The following INPP5A variants were observed in gnomAD, a reference collection of about 807,000 sequenced individuals.
INPP5A encodes 43 kDa inositol polyphosphate 5-phophatase.
In INPP5A, 14 loss-of-function variants were observed where a neutral mutation model predicts 65.2. That is an observed-to-expected ratio of 0.21 (90% CI 0.14 to 0.34). The LOEUF (loss-of-function observed/expected upper bound fraction) is 0.34. INPP5A is among the 10% of genes least tolerant of loss of function. The probability of loss-of-function intolerance (pLI) is 1.00; values close to 1 mark genes in which losing one functional copy is unlikely to be tolerated. For synonymous variants in INPP5A, 207 were observed against 208.3 expected, an observed-to-expected ratio of 0.99 and a Z score of 0.05; for missense variants, 431 against 545.6, an observed-to-expected ratio of 0.79 and a Z score of 2.09.
chr10:132,696,645 G>A (rs892210988), intron 5 of INPP5A, among the ~76,000 whole-genome samples: 4 of 152,210 alleles, frequency 2.6e-5, no homozygotes, highest in South Asian at 4.1e-4. Context: ...GAAAGGATCC[G>A]TGGTGTCTAA....
At chr10:132,725,313 C>T (rs1393804136) in intron 8 of INPP5A, among the ~76,000 whole-genome samples, 3 of 152,216 alleles carry the variant, frequency 2.0e-5, no homozygotes, top group Non-Finnish European at 2.9e-5. Flanking sequence ...ACGGATGCTC[C>T]GTCCTCCCTC....
At chr10:132,719,805 T>C (rs1845829170) in intron 8 of INPP5A, among the ~76,000 whole-genome samples, 1 of 151,022 alleles carries the variant, frequency 6.6e-6, no homozygotes, top group African/African-American at 2.4e-5. Context: ...CTGTGGTGCC[T>C]GGGTTCTGTC....
intron 2 of INPP5A, among the ~76,000 whole-genome samples, chr10:132,645,217 C>T (rs904179100): frequency 2.2e-5 from 3 of 138,066 alleles, no homozygotes; most frequent in South Asian, 2.7e-4. Context: ...CTTGATGGGG[C>T]GGGCGGGGCA....
intron 7 of INPP5A, 85 bp from the exon 8 acceptor site, chr10:132,710,252 T>A (rs1028847229): frequency 6.6e-7 from 1 of 1,516,996 alleles, no homozygotes; most frequent in Non-Finnish European, 8.9e-7. Context: ...GCAGGTCTTA[T>A]CTTCCCGGGG....
In INPP5A at chr10:132,606,401, C is replaced by T. The variant is rs772729506; in HGVS notation, c.76-1514C>T. Among the ~76,000 whole-genome samples the T allele has an allele frequency of 3.5e-4, 54 of 152,272 alleles. No homozygotes were observed. The Middle Eastern group carries it at 0.01, about 29-fold the overall frequency. On this transcript the variant is annotated intron_variant, in intron 1 of 15. Coordinates refer to ENST00000368594, the MANE Select transcript of INPP5A (RefSeq NM_005539.5). The stretch of plus-strand genomic sequence containing the variant: ...TGCTGGGGCGGTTGCGTGCGTCCCA[C>T]GAGGAGGTCCCTGGACCCAGAGGGC...
chr10:132,662,451 G>T (rs956532300), intron 4 of INPP5A, among the ~76,000 whole-genome samples: 3 of 152,200 alleles, frequency 2.0e-5, no homozygotes, highest in Non-Finnish European at 2.9e-5. Context: ...TGGTGTGTCA[G>T]CTGTCGCAGT....
rs2071038890 is a variant in INPP5A, at chr10:132,550,742, G to T, written c.75+12571G>T. Among the ~76,000 whole-genome samples, 1 of 152,250 alleles carries T rather than the reference G, an allele frequency of 6.6e-6. No homozygotes were observed. Among genetic ancestry groups the T allele is most frequent in the Non-Finnish European group, 1.5e-5 (1 of 68,044 alleles). On this transcript the variant is annotated intron_variant, in intron 1 of 15. Transcript: ENST00000368594. The surrounding 1 kb of genome is among the most constrained non-coding windows in gnomAD (Gnocchi z 4.2). ...TTTGGTCCCGCCTGACCTCATGGAA[G>T]ACGGTGGAGGTGGCAGCCGCCAGAG... is the stretch of plus-strand genomic sequence containing the variant.
At chr10:132,671,376 CGGACTCCGCCCTCCCTGCTCT>C (rs1422249485) in intron 4 of INPP5A, among the ~76,000 whole-genome samples, 133 of 141,760 alleles carry the variant, frequency 9.4e-4, no homozygotes, top group Non-Finnish European at 1.2e-3. Context: ...CTCCCTGCTT[CGGACTCCGCCCTCCCTGCTCT>C]GGACTCCGCC....
intron 1 of INPP5A, among the ~76,000 whole-genome samples, chr10:132,565,996 G>T (rs1321256096): frequency 6.6e-6 from 1 of 152,048 alleles, no homozygotes; most frequent in Non-Finnish European, 1.5e-5. Flanking sequence ...AGACAAGAGA[G>T]CCCTGTGGTC....
At chr10:132,749,708 G>T in intron 10 of INPP5A, 63 bp from the exon 11 acceptor site, 1 of 1,598,612 alleles carries the variant, frequency 6.3e-7, no homozygotes, top group Non-Finnish European at 8.6e-7. Flanking sequence ...GTTCGGTGGG[G>T]GCTAGGGGAC....
At chr10:132,666,622 T>G (rs1052857278) in intron 4 of INPP5A, among the ~76,000 whole-genome samples, 1 of 152,240 alleles carries the variant, frequency 6.6e-6, no homozygotes, top group Admixed American at 6.5e-5. Context: ...TCTGGAATTG[T>G]CTGGGAAAAC....
At chr10:132,742,788 C>A (rs117655563) in intron 9 of INPP5A, among the ~76,000 whole-genome samples, 1 of 152,232 alleles carries the variant, frequency 6.6e-6, no homozygotes, top group Non-Finnish European at 1.5e-5. Context: ...CATTGAAATT[C>A]ATGATGCCGG....
intron 11 of INPP5A, among the ~76,000 whole-genome samples, chr10:132,751,728 A>C (rs1432905337): frequency 6.8e-6 from 1 of 146,308 alleles, no homozygotes; most frequent in African/African-American, 2.7e-5. Context: ...GTCTGGGTGC[A>C]GGCAGGTGCC....
At chr10:132,757,758 CG>C (rs1846653092) in intron 11 of INPP5A, among the ~76,000 whole-genome samples, 2 of 131,672 alleles carry the variant, frequency 1.5e-5, no homozygotes, top group Admixed American at 7.4e-5. Flanking sequence ...CAGGCCAGTG[CG>C]ATGTCGTGGG....
intron 12 of INPP5A, among the ~76,000 whole-genome samples, chr10:132,776,073 C>A (rs144705016): frequency 6.6e-6 from 1 of 152,020 alleles, no homozygotes; most frequent in Admixed American, 6.5e-5. Context: ...CACTCGTGTC[C>A]GCGGTTGGGA....
chr10:132,716,355 G>A (rs1845739374), intron 8 of INPP5A, among the ~76,000 whole-genome samples: 1 of 152,218 alleles, frequency 6.6e-6, no homozygotes, highest in Admixed American at 6.5e-5. Flanking sequence ...GCCAGCTGGA[G>A]GCAAGCGTCG....
At chr10:132,653,399 C>T (rs964951113) in intron 4 of INPP5A, among the ~76,000 whole-genome samples, 3 of 152,112 alleles carry the variant, frequency 2.0e-5, no homozygotes, top group East Asian at 1.9e-4. Context: ...CAGGTCCACC[C>T]GAGACTCTGC....
chr10:132,561,230 T>A (rs1215456023), intron 1 of INPP5A, among the ~76,000 whole-genome samples: 1 of 9,744 alleles, frequency 1.0e-4, no homozygotes, highest in African/African-American at 5.0e-3. Context: ...ACCTGGCTAG[T>A]TTTTTTTAAG....
At chr10:132,740,464 G>T (rs1041760161) in intron 9 of INPP5A, among the ~76,000 whole-genome samples, 3 of 152,152 alleles carry the variant, frequency 2.0e-5, no homozygotes, top group Non-Finnish European at 4.4e-5. Flanking sequence ...CGTTCACCAT[G>T]ACTAGAAGAA....
Sources: allele counts gnomAD v4.1 joint callset (sites outside exome capture counted in the v4.1 genomes callset), GRCh38; gene constraint gnomAD v4.1.1; non-coding constraint Gnocchi (gnomAD v3.1); transcripts MANE v1.5; gene names NCBI Gene and HGNC (gene_info 2026-07-23, HGNC 2026-07-21).